Variants in SH3BGRL2 observed in about 807,000 individuals in gnomAD.
The protein encoded by SH3BGRL2 is SH3 domain-binding glutamic acid-rich-like protein 2.
In SH3BGRL2, 21 loss-of-function variants were observed where a neutral mutation model predicts 14.8. The observed-to-expected ratio is 1.42, with a 90% CI of 1.01 to 2.05. SH3BGRL2 has a LOEUF of 2.05. Ranked by LOEUF, SH3BGRL2 falls within the 30% of genes most tolerant of loss-of-function variation. SH3BGRL2 has a pLI of 0.00. For missense variants in SH3BGRL2, 147 were observed against 130.8 expected (o/e 1.12, Z -0.61); for synonymous variants, 50 against 47.8 (o/e 1.05, Z -0.19).
intron 1 of SH3BGRL2, among the ~76,000 whole-genome samples, chr6:79,633,520 C>A (rs1384286947): frequency 6.6e-6 from 1 of 151,998 alleles, no homozygotes; most frequent in Non-Finnish European, 1.5e-5. Context: ...GGCTCAGATC[C>A]CCTCAATGCC....
chr6:79,691,327 GTTTT>G (rs2127738342), intron 2 of SH3BGRL2, among the ~76,000 whole-genome samples: 1 of 150,918 alleles, frequency 6.6e-6, no homozygotes, highest in African/African-American at 2.4e-5. Context: ...TTGTTTGTTT[GTTTT>G]GTTTTTGTTT....
At chr6:79,694,021 TAGTTTGTGG>T (rs1562160168) in intron 2 of SH3BGRL2, among the ~76,000 whole-genome samples, 2 of 152,330 alleles carry the variant, frequency 1.3e-5, no homozygotes, top group East Asian at 3.9e-4. Context: ...CTGAGACGTC[TAGTTTGTGG>T]AGTGGAAGAT....
At chr6:79,653,578 A>G (rs1278865827) in intron 1 of SH3BGRL2, among the ~76,000 whole-genome samples, 33 of 152,206 alleles carry the variant, frequency 2.2e-4, no homozygotes, top group African/African-American at 4.8e-5. Context: ...AGGAGAGTAC[A>G]TTTTGGTTCA....
In SH3BGRL2 at chr6:79,699,734, C is replaced by T; in HGVS notation, c.*225C>T. 1 of 497,948 alleles carries T rather than the reference C, an allele frequency of 2.0e-6. No homozygotes were observed. The highest frequency in any genetic ancestry group is 3.3e-6 in the Non-Finnish European group (1 of 301,960). The allele number at this position is 497,948 out of a possible 1,614,324, so 30.8% of individuals were successfully genotyped here. On this transcript the variant is annotated 3_prime_UTR_variant, in exon 4 of 4. Transcript: ENST00000369838. Reference sequence around the variant, plus strand: ...TTTTTTTTCTTATTCTATTTGCCTGCAGTTGCCTCACTCACCTGGAAATAC... The same window carrying T: ...TTTTTTTTCTTATTCTATTTGCCTGTAGTTGCCTCACTCACCTGGAAATAC...
At chr6:79,662,374 G>C (rs1179961165) in intron 1 of SH3BGRL2, among the ~76,000 whole-genome samples, 1 of 152,138 alleles carries the variant, frequency 6.6e-6, no homozygotes, top group African/African-American at 2.4e-5. Context: ...TTGCTTGTCT[G>C]TAAAGGATTT....
At chr6:79,563,744 A>G in the SH3BGRL2 span, among the ~76,000 whole-genome samples, 2 of 152,182 alleles carry the variant, frequency 1.3e-5, no homozygotes, top group African/African-American at 2.4e-5. Context: ...GGTGAGACCA[A>G]AAAAAGAATA....
the SH3BGRL2 span, among the ~76,000 whole-genome samples, chr6:79,576,845 T>G: frequency 2.6e-5 from 4 of 152,160 alleles, no homozygotes; most frequent in African/African-American, 9.7e-5. Context: ...ATCAGAATTG[T>G]TTTTTCTAGA....
intron 1 of SH3BGRL2, among the ~76,000 whole-genome samples, chr6:79,641,611 A>G (rs147338355): frequency 6.6e-6 from 1 of 152,350 alleles, no homozygotes; most frequent in East Asian, 1.9e-4. Context: ...TTTTATGCAT[A>G]GAAAAGCTCT....
chr6:79,690,980 A>AT (rs958694224), intron 2 of SH3BGRL2, among the ~76,000 whole-genome samples: 10 of 151,940 alleles, frequency 6.6e-5, no homozygotes, highest in African/African-American at 1.7e-4. Context: ...GAATTTTTTG[A>AT]TTTTTTTTCT....
At chr6:79,592,618 A>C in the SH3BGRL2 span, among the ~76,000 whole-genome samples, 1 of 152,162 alleles carries the variant, frequency 6.6e-6, no homozygotes, top group Non-Finnish European at 1.5e-5. Context: ...CAAGATAAAA[A>C]TGGAAAGATT....
chr6:79,615,817 C>CTTTT, the SH3BGRL2 span, among the ~76,000 whole-genome samples: 2 of 124,244 alleles, frequency 1.6e-5, no homozygotes, highest in African/African-American at 3.1e-5. Context: ...CCACTCCTGC[C>CTTTT]TTTTTTTTTT....
chr6:79,551,727 A>G, the SH3BGRL2 span, among the ~76,000 whole-genome samples: 4 of 152,190 alleles, frequency 2.6e-5, no homozygotes, highest in African/African-American at 9.6e-5. Flanking sequence ...CGTGTAACAT[A>G]CCACCCATGT....
chr6:79,625,639 A>C, the SH3BGRL2 span, among the ~76,000 whole-genome samples: 1 of 152,184 alleles, frequency 6.6e-6, no homozygotes, highest in South Asian at 2.1e-4. Flanking sequence ...TAGGGTTTAT[A>C]TGCTTTGTGT....
At chr6:79,653,257 G>A (rs550297988) in intron 1 of SH3BGRL2, among the ~76,000 whole-genome samples, 2 of 152,176 alleles carry the variant, frequency 1.3e-5, no homozygotes, top group East Asian at 1.9e-4. Flanking sequence ...ACTAATAAAA[G>A]AAGCAAACTG....
At chr6:79,540,513 A>C in the SH3BGRL2 span, among the ~76,000 whole-genome samples, 1 of 152,166 alleles carries the variant, frequency 6.6e-6, no homozygotes, top group Non-Finnish European at 1.5e-5. Flanking sequence ...TGATGAAAAC[A>C]AATGTAGTCT....
At chr6:79,612,252 C>T in the SH3BGRL2 span, among the ~76,000 whole-genome samples, 1 of 152,048 alleles carries the variant, frequency 6.6e-6, no homozygotes, top group Non-Finnish European at 1.5e-5. Flanking sequence ...AGTGAGCCCA[C>T]ATATCACCAC....
intron 1 of SH3BGRL2, among the ~76,000 whole-genome samples, chr6:79,671,193 A>T (rs1393204533): frequency 1.3e-5 from 2 of 152,124 alleles, no homozygotes; most frequent in Middle Eastern, 3.2e-3. Context: ...GAGGTCAGGC[A>T]CGGTGGCTCA....
intron 2 of SH3BGRL2, among the ~76,000 whole-genome samples, chr6:79,687,798 T>G (rs1004609975): frequency 6.6e-6 from 1 of 152,246 alleles, no homozygotes; most frequent in Non-Finnish European, 1.5e-5. Flanking sequence ...TGGGCTCATT[T>G]AGAACTGGTT....
At chr6:79,658,270 A>G (rs988858521) in intron 1 of SH3BGRL2, among the ~76,000 whole-genome samples, 1 of 151,932 alleles carries the variant, frequency 6.6e-6, no homozygotes, top group Non-Finnish European at 1.5e-5. Flanking sequence ...TACATCAGAT[A>G]TTCTAATGCT....
Sources: gnomAD v4.1 joint callset for allele counts (sites outside exome capture counted in the v4.1 genomes callset) on GRCh38, gnomAD v4.1.1 for gene constraint, MANE v1.5 for transcripts, NCBI Gene and HGNC (gene_info 2026-07-23, HGNC 2026-07-21) for gene names.